The following FBXO47 variants were observed in gnomAD, a reference collection of about 807,000 sequenced individuals.
The protein encoded by FBXO47 is F-box only protein 47.
A neutral mutation model predicts 53.9 loss-of-function variants in FBXO47; 34 were observed. That is an observed-to-expected ratio of 0.63 (90% CI 0.48 to 0.84). The LOEUF is 0.84. Among genes scored for constraint, FBXO47 ranks in the 40% least tolerant of loss-of-function variants. The pLI is 0.00. For synonymous variants in FBXO47, 165 were observed against 181.6 expected, an observed-to-expected ratio of 0.91 and a Z score of 0.73; for missense variants, 485 against 541.3, an observed-to-expected ratio of 0.90 and a Z score of 1.03.
At chr17:38,942,982 A>G in intron 8 of FBXO47, 62 bp from the exon 9 acceptor site, 2 of 1,302,096 alleles carry the variant, frequency 1.5e-6, no homozygotes, top group Non-Finnish European at 2.1e-6. Flanking sequence ...AGTAAATACC[A>G]TTAAGTACAT....
chr17:38,945,096 A>G lies in FBXO47; in HGVS notation c.657T>C (p.Cys219=), dbSNP rs138301038. The change falls in exon 7 of 11, where the codon TGT becomes TGC. Residue 219 remains cysteine (C), a synonymous_variant. Transcript: ENST00000378079. ...TCCAATGATCAAGGAGGACATTCCTACAGAAGAGTCTGATTCTTAACTCCA... is the reference window on the plus strand; with the variant it reads ...TCCAATGATCAAGGAGGACATTCCTGCAGAAGAGTCTGATTCTTAACTCCA... ...QKLELRIRLF[C]RNVLLDHWTH... 177 of 1,613,634 alleles carry G rather than the reference A, an allele frequency of 1.1e-4. No individual in the cohort carries two copies. The African/African-American group carries it at 1.7e-3, about 16-fold the overall frequency.
At chr17:38,950,776 A>G (rs1905235627) in intron 6 of FBXO47, among the ~76,000 whole-genome samples, 1 of 152,192 alleles carries the variant, frequency 6.6e-6, no homozygotes, top group South Asian at 2.1e-4. Context: ...AAGGAATAAA[A>G]TATCATCAAT....
chr17:38,966,973 C>T (rs553916383), intron 1 of FBXO47, among the ~76,000 whole-genome samples: 4 of 152,054 alleles, frequency 2.6e-5, no homozygotes, highest in African/African-American at 4.8e-5. Context: ...GGATGAACCT[C>T]CCCGCCCCCC....
intron 6 of FBXO47, among the ~76,000 whole-genome samples, chr17:38,947,639 G>A (rs1328878470): frequency 1.3e-5 from 2 of 152,180 alleles, no homozygotes; most frequent in Non-Finnish European, 2.9e-5. Context: ...GCCAGGCGTG[G>A]TGGCTCATGC....
chr17:38,957,343 T>C (rs1905603421), intron 3 of FBXO47, 90 bp from the exon 4 acceptor site: 2 of 898,194 alleles, frequency 2.2e-6, no homozygotes, highest in Admixed American at 1.8e-5. Context: ...GAAAGTCAAG[T>C]ATGGTATATC....
intron 5 of FBXO47, among the ~76,000 whole-genome samples, chr17:38,952,701 G>A (rs1905355173): frequency 6.6e-6 from 1 of 151,666 alleles, no homozygotes; most frequent in Non-Finnish European, 1.5e-5. Context: ...ACCATGCTGT[G>A]GCTTTAAGAC....
At position 38,940,101 on chromosome 17, in the gene FBXO47, T is replaced by G. The variant is rs189828032; in HGVS notation, c.1084-1369A>C. 6.6e-5 allele frequency among the ~76,000 whole-genome samples: 10 copies of G among 152,162 alleles called. 1 individual carries two copies. The East Asian group carries it at 1.9e-3, about 29-fold the overall frequency. The stretch of plus-strand genomic sequence containing the variant: ...TGATAGGAAAGATCTATTGACTATT[T>G]ATTATGTGTAAAGCACTGTATTATG... On this transcript the variant is annotated intron_variant, in intron 9 of 10. Transcript: ENST00000378079.
chr17:38,964,824 T>C (rs1237750636), intron 1 of FBXO47, among the ~76,000 whole-genome samples: 1 of 152,140 alleles, frequency 6.6e-6, no homozygotes, highest in Non-Finnish European at 1.5e-5. Context: ...CTAAATAATT[T>C]TTTTTTTAGA....
intron 9 of FBXO47, among the ~76,000 whole-genome samples, chr17:38,942,004 G>C (rs1904532835): frequency 6.6e-6 from 1 of 151,698 alleles, no homozygotes; most frequent in Admixed American, 6.6e-5. Flanking sequence ...TTTTTATTTT[G>C]AAACATTTTG....
At position 38,962,912 on chromosome 17, in the gene FBXO47, T is replaced by C; in HGVS notation, c.114A>G (p.Ile38Met). The change falls in exon 2 of 11, where the codon ATA becomes ATG. Residue 38 changes from isoleucine to methionine, a missense_variant. By Grantham distance (10) the Ile-to-Met change is conservative (BLOSUM62 1). Coordinates refer to ENST00000378079, the MANE Select transcript of FBXO47 (RefSeq NM_001008777.3). Reference sequence around the variant, plus strand: ...AGGCTTTAAAATTTCCAAATGTTGATATGGGTTGAAAGCCTGAGCCAAGGG... The same window carrying C: ...AGGCTTTAAAATTTCCAAATGTTGACATGGGTTGAAAGCCTGAGCCAAGGG... Reference protein sequence around the residue: ...SKTLGSGFQPISTFGNFKALP... With the variant: ...SKTLGSGFQPMSTFGNFKALP... 1 of 1,613,372 alleles carries C rather than the reference T, an allele frequency of 6.2e-7. No individual in the cohort carries two copies. The highest frequency in any genetic ancestry group is 8.5e-7 in the Non-Finnish European group (1 of 1,179,498).
intron 6 of FBXO47, among the ~76,000 whole-genome samples, chr17:38,947,121 C>G (rs200243601): frequency 8.6e-6 from 1 of 116,600 alleles, no homozygotes; most frequent in Non-Finnish European, 1.9e-5. Flanking sequence ...TATATATAAA[C>G]ATATATATAA....
intron 3 of FBXO47, among the ~76,000 whole-genome samples, chr17:38,960,746 C>T (rs1297224072): frequency 6.6e-6 from 1 of 151,598 alleles, no homozygotes; most frequent in East Asian, 1.9e-4. Flanking sequence ...ATTCTCCTGC[C>T]TCAGCCTCCT....
At chr17:38,946,117 A>C (rs866210209) in intron 6 of FBXO47, among the ~76,000 whole-genome samples, 2 of 111,478 alleles carry the variant, frequency 1.8e-5, no homozygotes, top group African/African-American at 7.8e-5. Context: ...TAAATACATA[A>C]ATAAATATAT....
intron 6 of FBXO47, among the ~76,000 whole-genome samples, chr17:38,946,434 ATATGAATATATATAAC>A: frequency 1.0e-5 from 1 of 96,874 alleles, no homozygotes; most frequent in Non-Finnish European, 1.8e-5. Flanking sequence ...ATATAAATAT[ATATGAATATATATAAC>A]TATATAAATA....
At chr17:38,948,231 T>C (rs910189936) in intron 6 of FBXO47, among the ~76,000 whole-genome samples, 2 of 112,722 alleles carry the variant, frequency 1.8e-5, no homozygotes, top group African/African-American at 7.9e-5. Flanking sequence ...TTTTTTTTTT[T>C]GAGACAGAGT....
intron 5 of FBXO47, 22 bp from the exon 6 acceptor site, chr17:38,951,711 T>C: frequency 1.3e-6 from 2 of 1,537,324 alleles, no homozygotes; most frequent in Non-Finnish European, 1.8e-6. Context: ...AAAGAAAACA[T>C]TGTGGATATT....
intron 6 of FBXO47, among the ~76,000 whole-genome samples, chr17:38,947,118 AAACATATATATAAATATAT>A (rs1567717778): frequency 9.5e-4 from 135 of 141,872 alleles, no homozygotes; most frequent in Middle Eastern, 7.1e-3. Flanking sequence ...ATATATATAT[AAACATATATATAAATATAT>A]ATATATATAG....
chr17:38,941,015 C>T (rs2143884532), intron 9 of FBXO47, among the ~76,000 whole-genome samples: 1 of 151,744 alleles, frequency 6.6e-6, no homozygotes, highest in Non-Finnish European at 1.5e-5. Flanking sequence ...GATGAGATCT[C>T]ATTCTGTTGC....
intron 9 of FBXO47, among the ~76,000 whole-genome samples, chr17:38,941,620 T>TTTTATATA (rs1555560016): frequency 1.5e-3 from 174 of 115,180 alleles, no homozygotes; most frequent in African/African-American, 4.6e-3. Flanking sequence ...AAATATAATA[T>TTTTATATA]TATATATATA....
Sources: gnomAD v4.1 joint callset for allele counts (sites outside exome capture counted in the v4.1 genomes callset) on GRCh38, gnomAD v4.1.1 for gene constraint, MANE v1.5 for transcripts, NCBI Gene and HGNC (gene_info 2026-07-23, HGNC 2026-07-21) for gene names.